Variants in SASH1 observed in about 807,000 individuals in gnomAD.
The protein encoded by SASH1 is SAM and SH3 domain containing 1.
SASH1 carries 44 observed loss-of-function variants against 125.2 expected under a neutral mutation model. The observed-to-expected ratio is 0.35, with a 90% confidence interval of 0.28 to 0.45. The LOEUF is 0.45. Among genes scored for constraint, SASH1 ranks in the 20% least tolerant of loss-of-function variants. The probability of loss-of-function intolerance (pLI) is 1.00; values close to 1 mark genes in which losing one functional copy is unlikely to be tolerated. For synonymous variants in SASH1, 639 were observed against 649.1 expected (o/e 0.98, Z 0.24); for missense variants, 1,426 against 1,614.5 (o/e 0.88, Z 2.00).
chr6:148,440,664 C>T (rs886543827), intron 4 of SASH1: 5 of 469,516 alleles, frequency 1.1e-5, no homozygotes, highest in East Asian at 3.4e-5. Context: ...AATAAATCTC[C>T]GGAAATAGAA....
intron 4 of SASH1, among the ~76,000 whole-genome samples, chr6:148,462,848 G>A (rs1777679283): frequency 6.6e-6 from 1 of 152,186 alleles, no homozygotes; most frequent in African/African-American, 2.4e-5. Context: ...GTTGAACTCA[G>A]GAGTCAGAGA....
At chr6:148,229,576 A>C in the SASH1 span, among the ~76,000 whole-genome samples, 1 of 152,170 alleles carries the variant, frequency 6.6e-6, no homozygotes, top group African/African-American at 2.4e-5. Context: ...TTTAAAAAAA[A>C]AGTGACGTCC....
In SASH1 at chr6:148,548,519, C is replaced by G. The variant is rs1416912768; in HGVS notation, c.3705C>G (p.Ala1235=). The G allele has an allele frequency of 1.9e-6, 3 of 1,612,892 alleles. No homozygotes were observed. Among genetic ancestry groups the G allele is most frequent in the Non-Finnish European group, 2.5e-6 (3 of 1,179,442 alleles). ...ACATAAGAAAGCTCCTATCTGCAGC[C>G]AGACTCTTCAAACTGCCGCCAGGCC... The part of the protein sequence containing the change: ...ERHIRKLLSA[A]RLFKLPPGPE... Residue 1235 remains alanine (A), a synonymous_variant, in exon 20 of 20, where the codon GCC becomes GCG. Transcript: ENST00000367467.
Position 148,519,463 on chromosome 6 carries a change from C to T in SASH1, c.863-84C>T, listed in dbSNP as rs1451888551. The stretch of plus-strand genomic sequence containing the variant: ...TGGGTTTATAAAGAGGGTCATGATA[C>T]GGAGAAAGGTGGTGAATGTAAAGAA... On this transcript the variant is annotated intron_variant, in intron 9 of 19. Coordinates refer to ENST00000367467, the MANE Select transcript of SASH1 (RefSeq NM_015278.5). This position sits in a 1 kb window ranked among gnomAD's most constrained non-coding sequence, Gnocchi z 4.8. 16 of 984,356 alleles carry T rather than the reference C, an allele frequency of 1.6e-5. No individual in the cohort carries two copies. Among genetic ancestry groups the T allele is most frequent in the Middle Eastern group, 2.2e-4 (1 of 4,638 alleles). 61.0% of individuals were successfully genotyped at this position (984,356 alleles called of 1,614,324 possible). A position where few individuals can be genotyped will look rare whatever the true frequency, so the allele number is the denominator to read the frequency against.
At chr6:148,537,780 GTGTGTGTGTGT>G (rs1403742884) in intron 16 of SASH1, among the ~76,000 whole-genome samples, 4 of 27,680 alleles carry the variant, frequency 1.4e-4, no homozygotes, top group African/African-American at 8.1e-4. Context: ...CATATTCTGT[GTGTGTGTGTGT>G]GTGTGTGTGT....
At chr6:148,413,340 GA>G (rs1784698048) in intron 2 of SASH1, among the ~76,000 whole-genome samples, 1 of 152,134 alleles carries the variant, frequency 6.6e-6, no homozygotes, top group South Asian at 2.1e-4. Context: ...TGTAGAAATG[GA>G]AATGAGGAAA....
At position 148,505,726 on chromosome 6, in the gene SASH1, C is replaced by T. The variant is rs186263219; in HGVS notation, c.730-8598C>T. ...GATCTCAGCTCACTGCAACCTCTGCCTCCCAGGTTCAAGCAATTCTCCTGC... is the reference window on the plus strand; with the variant it reads ...GATCTCAGCTCACTGCAACCTCTGCTTCCCAGGTTCAAGCAATTCTCCTGC... On this transcript the variant is annotated intron_variant, in intron 8 of 19. Transcript: ENST00000367467. Among the ~76,000 whole-genome samples, 221 of 152,230 alleles carry T rather than the reference C, an allele frequency of 1.5e-3. 2 individuals are homozygous for T. The South Asian group carries it at 0.028, about 19-fold the overall frequency.
At position 148,487,698 on chromosome 6, in the gene SASH1, G is replaced by A. The variant is rs758984769; in HGVS notation, c.712G>A (p.Gly238Ser). The change falls in exon 8 of 20, where the codon GGC becomes AGC. Residue 238 changes from glycine (G) to serine (S), a missense_variant. Gly to Ser is a moderately conservative substitution (Grantham distance 56). Around this residue, in one of 3 missense-constraint regions of SASH1, gnomAD observed 567 missense variants for 575.6 expected, o/e 0.99. Coordinates refer to ENST00000367467, the MANE Select transcript of SASH1 (RefSeq NM_015278.5). ...AGATGGTTCTTACCCAACGTTTGAT[G>A]GCTCATCAAACTGCAATGTGAGTTT... ...WPDGSYPTFD[G>S]SSNCNSREQS... The A allele has an allele frequency of 2.5e-6, 4 of 1,612,412 alleles. No homozygotes were observed. In the Admixed American group the frequency reaches 6.7e-5, roughly 27 times the overall value.
intron 1 of SASH1, among the ~76,000 whole-genome samples, chr6:148,375,285 C>T (rs910155463): frequency 1.3e-5 from 2 of 152,168 alleles, no homozygotes; most frequent in Non-Finnish European, 2.9e-5. Flanking sequence ...AGCCACCACA[C>T]CTGGCCACAA....
At chr6:148,217,366 C>T in the SASH1 span, among the ~76,000 whole-genome samples, 1 of 152,204 alleles carries the variant, frequency 6.6e-6, no homozygotes, top group African/African-American at 2.4e-5. Flanking sequence ...TACTGTTTGG[C>T]ATGTGCTGCG....
At chr6:148,536,497 G>A (rs987848022) in intron 16 of SASH1, among the ~76,000 whole-genome samples, 1 of 152,094 alleles carries the variant, frequency 6.6e-6, no homozygotes, top group African/African-American at 2.4e-5. Flanking sequence ...GCACCACTAC[G>A]CATGGCTAAT....
At chr6:148,410,062 G>T (rs1334166198) in intron 2 of SASH1, among the ~76,000 whole-genome samples, 1 of 150,272 alleles carries the variant, frequency 6.7e-6, no homozygotes, top group African/African-American at 2.4e-5. Context: ...TGTGCAAGAG[G>T]GACATTGAAC....
chr6:148,376,792 C>T (rs1167104673), intron 1 of SASH1, among the ~76,000 whole-genome samples: 2 of 151,916 alleles, frequency 1.3e-5, no homozygotes, highest in South Asian at 2.1e-4. Context: ...CACTTGAGCC[C>T]AGGAATTCGA....
chr6:148,435,397 A>G (rs866030732), intron 2 of SASH1, among the ~76,000 whole-genome samples: 1 of 143,698 alleles, frequency 7.0e-6, no homozygotes, highest in East Asian at 2.1e-4. Flanking sequence ...AAAAAAAAAA[A>G]GGATAGTATA....
intron 2 of SASH1, among the ~76,000 whole-genome samples, chr6:148,403,607 C>T (rs143646898): frequency 1.1e-3 from 167 of 152,216 alleles, no homozygotes; most frequent in African/African-American, 3.8e-3. Flanking sequence ...CTTGGCTCAC[C>T]GCAACCTCTT....
chr6:148,281,511 G>A (rs1779340627), intron 1 of SASH1, among the ~76,000 whole-genome samples: 1 of 152,230 alleles, frequency 6.6e-6, no homozygotes, highest in Non-Finnish European at 1.5e-5. Context: ...TCTCAAGGAA[G>A]AAATGGGACC....
intron 2 of SASH1, among the ~76,000 whole-genome samples, chr6:148,417,996 G>A (rs963288032): frequency 6.6e-6 from 1 of 152,204 alleles, no homozygotes; most frequent in East Asian, 1.9e-4. Flanking sequence ...CAATTTATAG[G>A]TGGAGATGTT....
intron 8 of SASH1, among the ~76,000 whole-genome samples, chr6:148,501,546 C>G (rs775435645): frequency 9.9e-5 from 15 of 152,204 alleles, no homozygotes; most frequent in Non-Finnish European, 1.8e-4. Flanking sequence ...CACTACCCCA[C>G]TCTGAACAGA....
intron 1 of SASH1, among the ~76,000 whole-genome samples, chr6:148,368,428 A>G (rs983808728): frequency 1.2e-4 from 18 of 152,070 alleles, no homozygotes; most frequent in African/African-American, 4.1e-4. Flanking sequence ...AAGCCACCAC[A>G]CTCAGCTAAT....
Sources: allele counts gnomAD v4.1 joint callset (sites outside exome capture counted in the v4.1 genomes callset), GRCh38; gene constraint gnomAD v4.1.1; regional missense constraint gnomAD v4.1.1; non-coding constraint Gnocchi (gnomAD v3.1); transcripts MANE v1.5; gene names NCBI Gene and HGNC (gene_info 2026-07-23, HGNC 2026-07-21).